The following PLG variants were observed in gnomAD, a reference collection of about 807,000 sequenced individuals.
PLG encodes plasminogen.
Under a neutral mutation model 104.4 loss-of-function variants are expected in PLG, and 41 were observed. The observed-to-expected ratio is 0.39, with a 90% confidence interval of 0.31 to 0.51. PLG has a LOEUF of 0.51. Among genes scored for constraint, PLG ranks in the 20% least tolerant of loss-of-function variants. The pLI, the probability that PLG is intolerant of heterozygous loss-of-function variation, is 0.76. For synonymous variants in PLG, 337 were observed against 357.1 expected, an observed-to-expected ratio of 0.94 and a Z score of 0.63; for missense variants, 891 against 1,003.6, an observed-to-expected ratio of 0.89 and a Z score of 1.52.
chr6:160,722,567 C>T lies in PLG; in HGVS notation c.1256C>T (p.Ala419Val), dbSNP rs1472238075. The T allele has an allele frequency of 1.1e-5, 17 of 1,612,816 alleles. No individual in the cohort carries two copies. Among genetic ancestry groups the T allele is most frequent in the African/African-American group, 6.7e-5 (5 of 74,848 alleles). ...AAGACCCCAGAAAACTACCCAAATG[C>T]GTATGTCTTTGATTTTTACTGTAAG... ...HQKTPENYPN[A>V]GLTMNYCRNP... The change falls in exon 10 of 19, where the codon GCT (alanine) becomes GTT (valine). Residue 419 changes from alanine (A) to valine (V), a missense_variant and splice_region_variant. Ala to Val is a moderately conservative substitution (Grantham distance 64). Around this residue, in one of 2 missense-constraint regions of PLG, gnomAD observed 854 missense variants for 932.1 expected, o/e 0.92. Coordinates refer to ENST00000308192, the MANE Select transcript of PLG (RefSeq NM_000301.5).
intron 17 of PLG, among the ~76,000 whole-genome samples, chr6:160,750,268 C>A (rs534345401): frequency 1.3e-5 from 2 of 152,314 alleles, no homozygotes; most frequent in East Asian, 3.9e-4. Flanking sequence ...TGGACTTTCC[C>A]TGTTGCCCTC....
intron 1 of PLG, 110 bp from the exon 2 acceptor site, chr6:160,706,297 A>G: frequency 1.5e-6 from 2 of 1,377,312 alleles, no homozygotes; most frequent in Non-Finnish European, 1.0e-6. Flanking sequence ...CAGTAAACAG[A>G]AAGTTTTATT....
At chr6:160,707,608 C>G in intron 2 of PLG, 92 bp from the exon 3 acceptor site, 1 of 1,313,472 alleles carries the variant, frequency 7.6e-7, no homozygotes, top group South Asian at 1.2e-5. Flanking sequence ...TCAAGATATT[C>G]AATGATCTTT....
chr6:160,703,874 T>A (rs1317705734), intron 1 of PLG, among the ~76,000 whole-genome samples: 5 of 152,210 alleles, frequency 3.3e-5, no homozygotes, highest in Admixed American at 3.3e-4. Context: ...CATAAGCTCT[T>A]TTGGAAAGCC....
intron 3 of PLG, among the ~76,000 whole-genome samples, chr6:160,710,703 G>T (rs900893453): frequency 2.0e-5 from 3 of 152,132 alleles, no homozygotes; most frequent in Admixed American, 6.5e-5. Flanking sequence ...GTCTCATCAT[G>T]TATGTAATAT....
chr6:160,707,833 C>T, intron 3 of PLG, 27 bp downstream of exon 3: 1 of 1,480,726 alleles, frequency 6.8e-7, no homozygotes, highest in Non-Finnish European at 9.4e-7. Context: ...CCTCCTCCTC[C>T]TACTGTCCTC....
At position 160,716,778 on chromosome 6, in the gene PLG, C is replaced by T. The variant is rs780964619; in HGVS notation, c.787+15C>T. On this transcript the variant is annotated intron_variant, in intron 7 of 18. Coordinates refer to ENST00000308192, the MANE Select transcript of PLG (RefSeq NM_000301.5). ...CCCCCGCTGCAGTGAGTATGATGCA[C>T]ACCCAGATTCCAGGATTTGGACCTG... 2.1e-6 allele frequency: 3 copies of T among 1,416,440 alleles called. No individual in the cohort carries two copies. In the Admixed American group the frequency reaches 5.0e-5, roughly 24 times the overall value. 87.7% of individuals were successfully genotyped at this position (1,416,440 alleles called of 1,614,324 possible).
chr6:160,720,893 CT>C (rs200008504), intron 9 of PLG, among the ~76,000 whole-genome samples: 5 of 150,832 alleles, frequency 3.3e-5, no homozygotes, highest in Admixed American at 6.6e-5. Context: ...AGCTTGTTCT[CT>C]TTTTTTTTCA....
rs1006708675 is a variant in PLG, at chr6:160,744,802, A to C, written c.2125+3385A>C. Among the ~76,000 whole-genome samples the C allele has an allele frequency of 6.6e-6, 1 of 152,112 alleles. No homozygotes were observed. Among genetic ancestry groups the C allele is most frequent in the Non-Finnish European group, 1.5e-5 (1 of 68,028 alleles). Reference sequence around the variant, plus strand: ...TTGATGCTAGCATTTGGTGCTATGAATTTCTCTCTTAACACTACCTTAGCT... The same window carrying C: ...TTGATGCTAGCATTTGGTGCTATGACTTTCTCTCTTAACACTACCTTAGCT... On this transcript the variant is annotated intron_variant, in intron 17 of 18. Transcript: ENST00000308192. This position sits in a 1 kb window ranked among gnomAD's most constrained non-coding sequence, Gnocchi z 4.5.
At chr6:160,710,251 A>C (rs1219219046) in intron 3 of PLG, among the ~76,000 whole-genome samples, 1 of 152,258 alleles carries the variant, frequency 6.6e-6, no homozygotes, top group Admixed American at 6.5e-5. Context: ...CATTTAATTT[A>C]GTTAAAAACC....
At chr6:160,720,659 G>A (rs1777815825) in intron 9 of PLG, among the ~76,000 whole-genome samples, 1 of 151,872 alleles carries the variant, frequency 6.6e-6, no homozygotes, top group African/African-American at 2.4e-5. Flanking sequence ...ACCTCAGACG[G>A]TCCATCACCT....
At chr6:160,715,252 C>G (rs965179625) in intron 6 of PLG, among the ~76,000 whole-genome samples, 3 of 152,230 alleles carry the variant, frequency 2.0e-5, no homozygotes, top group Admixed American at 1.3e-4. Flanking sequence ...TAACATCTGT[C>G]TTCAGAAATG....
chr6:160,705,968 T>A (rs900323221), intron 1 of PLG: 4 of 202,856 alleles, frequency 2.0e-5, no homozygotes, highest in Non-Finnish European at 4.0e-5. Flanking sequence ...ATCCAGTTAA[T>A]CTTTTACTAT....
At chr6:160,743,874 G>C (rs1778235917) in intron 17 of PLG, among the ~76,000 whole-genome samples, 1 of 152,048 alleles carries the variant, frequency 6.6e-6, no homozygotes, top group Non-Finnish European at 1.5e-5. Flanking sequence ...TATAAAGGAT[G>C]GTAAATTTTA....
At chr6:160,710,830 G>A (rs1351734085) in intron 3 of PLG, among the ~76,000 whole-genome samples, 1 of 152,174 alleles carries the variant, frequency 6.6e-6, no homozygotes, top group African/African-American at 2.4e-5. Flanking sequence ...GCTGCACTGT[G>A]CCCCGTGTGT....
chr6:160,748,370 A>AAGAGAGAGAGAGAGAGAGAGAG (rs1346113408), intron 17 of PLG, among the ~76,000 whole-genome samples: 1 of 41,398 alleles, frequency 2.4e-5, no homozygotes, highest in African/African-American at 8.2e-5. Flanking sequence ...GAAAGAAAGA[A>AAGAGAGAGAGAGAGAGAGAGAG]AGAAAGAAAG....
At position 160,725,027 on chromosome 6, in the gene PLG, C is replaced by A. The variant is rs1050261788; in HGVS notation, c.1256+2460C>A. On this transcript the variant is annotated intron_variant, in intron 10 of 18. Transcript: ENST00000308192. This position sits in a 1 kb window ranked among gnomAD's most constrained non-coding sequence, Gnocchi z 6.3. Reference sequence around the variant, plus strand: ...GTCAGGAGTTTGAGACCAGCCTGACCAACATGGTGAAACCCCATCTCTACT... The same window carrying A: ...GTCAGGAGTTTGAGACCAGCCTGACAAACATGGTGAAACCCCATCTCTACT... 2.0e-5 allele frequency among the ~76,000 whole-genome samples: 3 copies of A among 152,038 alleles called. No individual in the cohort carries two copies. The highest frequency in any genetic ancestry group is 4.4e-5 in the Non-Finnish European group (3 of 68,004).
chr6:160,711,541 T>C lies in PLG; in HGVS notation c.407+350T>C. On this transcript the variant is annotated intron_variant, in intron 4 of 18. Coordinates refer to ENST00000308192, the MANE Select transcript of PLG (RefSeq NM_000301.5). ...AGAGGGCCAACTGTATTTAGGATAA[T>C]TTCATCACTTTTAATTCAAACCACA... is the stretch of plus-strand genomic sequence containing the variant. 4 of 1,592,918 alleles carry C rather than the reference T, an allele frequency of 2.5e-6. No individual in the cohort carries two copies. The Admixed American group carries it at 6.9e-5, about 28-fold the overall frequency.
chr6:160,732,690 C>T lies in PLG; in HGVS notation c.1587+797C>T, dbSNP rs140404547. On this transcript the variant is annotated intron_variant, in intron 12 of 18. Coordinates refer to ENST00000308192, the MANE Select transcript of PLG (RefSeq NM_000301.5). The surrounding 1 kb of genome is among the most constrained non-coding windows in gnomAD (Gnocchi z 4.5). ...GTGGCTCACAGAACTCAGGGGAACA[C>T]GTTACTTTTATTTACCCATTTGTTA... 2.0e-5 allele frequency among the ~76,000 whole-genome samples: 3 copies of T among 152,230 alleles called. No individual in the cohort carries two copies. The highest frequency in any genetic ancestry group is 1.9e-4 in the East Asian group (1 of 5,180).
Sources: allele counts gnomAD v4.1 joint callset (sites outside exome capture counted in the v4.1 genomes callset), GRCh38; gene constraint gnomAD v4.1.1; regional missense constraint gnomAD v4.1.1; non-coding constraint Gnocchi (gnomAD v3.1); transcripts MANE v1.5; gene names NCBI Gene and HGNC (gene_info 2026-07-23, HGNC 2026-07-21).